HOXD1: variants seen among roughly 807,000 people sequenced by gnomAD.
HOXD1 encodes the protein homeobox D1, also known as homeobox protein Hox-D1.
HOXD1 carries 17 observed loss-of-function variants against 19.9 expected under a neutral mutation model. The ratio of observed to expected loss-of-function variants is 0.85; its 90% CI spans 0.58 to 1.28. HOXD1 has a LOEUF of 1.28. HOXD1 is among the 50% of genes most tolerant of loss of function. The probability of loss-of-function intolerance (pLI) is 0.00; values close to 1 mark genes in which losing one functional copy is unlikely to be tolerated. For missense variants in HOXD1, 500 were observed against 460.1 expected (o/e 1.09, Z -0.79); for synonymous variants, 239 against 216.0 (o/e 1.11, Z -0.93).
chr2:176,188,869 T>G lies in HOXD1; in HGVS notation c.68T>G (p.Leu23Trp). 6.2e-7 allele frequency: 1 copy of G among 1,602,700 alleles called. No homozygotes were observed. Among genetic ancestry groups the G allele is most frequent in the South Asian group, 1.1e-5 (1 of 90,056 alleles). Residue 23 changes from leucine (L) to tryptophan (W), a missense_variant, in exon 1 of 2, where the codon TTG (leucine) becomes TGG (tryptophan). By Grantham distance (61) the Leu-to-Trp change is moderately conservative. Coordinates refer to ENST00000331462, the MANE Select transcript of HOXD1 (RefSeq NM_024501.3). Reference sequence around the variant, plus strand: ...GGGGTCGGCGGCGACGTGCTCAGCTTGGCACCCAAGTTCTGCCGCTCCGAC... The same window carrying G: ...GGGGTCGGCGGCGACGTGCTCAGCTGGGCACCCAAGTTCTGCCGCTCCGAC... ...SGGVGGDVLS[L>W]APKFCRSDAR...
Position 176,189,848 on chromosome 2 carries a change from G to T in HOXD1, c.693G>T (p.Ala231=). The part of the protein sequence containing the change: ...AEYGAASPSS[A]IRTNFSTKQL... ...ATGGGGCCGCTAGCCCCTCCAGCGC[G>T]ATCCGCACGAATTTCAGCACCAAGC... is the stretch of plus-strand genomic sequence containing the variant. Residue 231 remains alanine, a synonymous_variant, in exon 2 of 2, where the codon GCG becomes GCT. Coordinates refer to ENST00000331462, the MANE Select transcript of HOXD1 (RefSeq NM_024501.3). 6.2e-7 allele frequency: 1 copy of T among 1,614,154 alleles called. No individual in the cohort carries two copies. The highest frequency in any genetic ancestry group is 8.5e-7 in the Non-Finnish European group (1 of 1,180,034).
chr2:176,189,535 C>G, intron 1 of HOXD1, 82 bp downstream of exon 1: 1 of 1,607,712 alleles, frequency 6.2e-7, no homozygotes, highest in Non-Finnish European at 8.5e-7. Context: ...AGCGTGGTGT[C>G]GCTGCCTTTC....
Position 176,189,346 on chromosome 2 carries a change from C to G in HOXD1, c.545C>G (p.Ser182Cys), listed in dbSNP as rs923351699. The G allele has an allele frequency of 6.2e-7, 1 of 1,612,938 alleles. No homozygotes were observed. The highest frequency in any genetic ancestry group is 8.5e-7 in the Non-Finnish European group (1 of 1,179,990). Residue 182 changes from serine (S) to cysteine (C), a missense_variant, in exon 1 of 2, where the codon TCC becomes TGC. Transcript: ENST00000331462. ...CACCCTGGTGCTTTCCAGACCGCAT[C>G]CCCGGCCCCAGGCACCTACCCCAAG... ...DGHPGAFQTA[S>C]PAPGTYPKSV... is the part of the protein sequence containing the mutation.
Position 176,190,178 on chromosome 2 carries a change from G to A in HOXD1, c.*36G>A, listed in dbSNP as rs772151952. On this transcript the variant is annotated 3_prime_UTR_variant, in exon 2 of 2. Transcript: ENST00000331462. ...TGGGGCCGAAAAACTGTGGCCTGCA[G>A]AAGTCCCAGGCGACCCCCATCCCTA... The A allele has an allele frequency of 1.4e-6, 2 of 1,430,704 alleles. No individual in the cohort carries two copies. Among genetic ancestry groups the A allele is most frequent in the South Asian group, 2.6e-5 (2 of 76,044 alleles). 88.6% of individuals were successfully genotyped at this position (1,430,704 alleles called of 1,614,324 possible). A position where few individuals can be genotyped will look rare whatever the true frequency, so the allele number is the denominator to read the frequency against.
rs752370277 is a variant in HOXD1, at chr2:176,189,955, A to G, written c.800A>G (p.His267Arg). ...CGCATCGAGATAGCCAACTGCTTGCACCTGAATGACACGCAAGTCAAAATC... is the reference window on the plus strand; with the variant it reads ...CGCATCGAGATAGCCAACTGCTTGCGCCTGAATGACACGCAAGTCAAAATC... ...ARRIEIANCL[H>R]LNDTQVKIWF... The change falls in exon 2 of 2, where the codon CAC (histidine) becomes CGC (arginine). Residue 267 changes from histidine to arginine, a missense_variant. Transcript: ENST00000331462. 1 of 1,614,140 alleles carries G rather than the reference A, an allele frequency of 6.2e-7. No homozygotes were observed. Among genetic ancestry groups the G allele is most frequent in the South Asian group, 1.1e-5 (1 of 91,060 alleles).
rs1691764831 is a variant in HOXD1 at position 176,190,119 on chromosome 2, T to C, written c.964T>C (p.Ser322Pro). 1 of 1,611,232 alleles carries C rather than the reference T, an allele frequency of 6.2e-7. No homozygotes were observed. The highest frequency in any genetic ancestry group is 2.2e-5 in the East Asian group (1 of 44,848). Residue 322 changes from serine to proline, a missense_variant, in exon 2 of 2, where the codon TCT becomes CCT. Physicochemically the swap from Ser to Pro is moderately conservative, Grantham distance 74 (BLOSUM62 -1). Coordinates refer to ENST00000331462, the MANE Select transcript of HOXD1 (RefSeq NM_024501.3). ...TKFIKNPGSP[S>P]QSQEPS The stretch of plus-strand genomic sequence containing the variant: ...GTTTATCAAGAACCCCGGCAGCCCT[T>C]CTCAGTCCCAAGAGCCTTCGTGAGG...
rs967641475 is a variant in HOXD1, at chr2:176,190,715, A to G, written c.*573A>G. 1.3e-5 allele frequency: 2 copies of G among 152,702 alleles called. No homozygotes were observed. The highest frequency in any genetic ancestry group is 4.8e-5 in the African/African-American group (2 of 41,456). 9.5% of individuals were successfully genotyped at this position (152,702 alleles called of 1,614,324 possible). On this transcript the variant is annotated 3_prime_UTR_variant, in exon 2 of 2. Transcript: ENST00000331462. Reference sequence around the variant, plus strand: ...ATGATACAATCGCTGTTTAGTTACTAGATGAACAAATCCACAGAATGGGTA... The same window carrying G: ...ATGATACAATCGCTGTTTAGTTACTGGATGAACAAATCCACAGAATGGGTA...
In HOXD1 at chr2:176,189,033, G is replaced by A; in HGVS notation, c.232G>A (p.Ala78Thr). The A allele has an allele frequency of 7.1e-7, 1 of 1,414,436 alleles. No individual in the cohort carries two copies. The highest frequency in any genetic ancestry group is 9.1e-7 in the Non-Finnish European group (1 of 1,099,184). The allele number at this position is 1,414,436 out of a possible 1,614,324, so 87.6% of individuals were successfully genotyped here. A position where few individuals can be genotyped will look rare whatever the true frequency, so the allele number is the denominator to read the frequency against. ...APARPSVPPP[A>T]APQYAQCTLE... ...CGCGCGGCCGTCCGTACCGCCTCCG[G>A]CCGCGCCCCAGTACGCGCAGTGCAC... Residue 78 changes from alanine to threonine, a missense_variant, in exon 1 of 2, where the codon GCC becomes ACC. Ala to Thr is a moderately conservative substitution (Grantham distance 58, BLOSUM62 0). Transcript: ENST00000331462.
At position 176,190,855 on chromosome 2, in the gene HOXD1, T is replaced by A. The variant is rs1691782356; in HGVS notation, c.*713T>A. On this transcript the variant is annotated 3_prime_UTR_variant, in exon 2 of 2. Coordinates refer to ENST00000331462, the MANE Select transcript of HOXD1 (RefSeq NM_024501.3). ...TTGCAATGACCTTATAAGTGACATT[T>A]AATGTCATAGCATGTAAAGGGTTTT... The A allele has an allele frequency of 6.6e-6, 1 of 152,644 alleles. No homozygotes were observed. The highest frequency in any genetic ancestry group is 1.5e-5 in the Non-Finnish European group (1 of 68,040). The allele number at this position is 152,644 out of a possible 1,614,324, so 9.5% of individuals were successfully genotyped here.
In HOXD1 at chr2:176,188,902, C is replaced by A; in HGVS notation, c.101C>A (p.Pro34His). 1 of 1,591,192 alleles carries A rather than the reference C, an allele frequency of 6.3e-7. No homozygotes were observed. Among genetic ancestry groups the A allele is most frequent in the East Asian group, 2.3e-5 (1 of 43,716 alleles). Residue 34 changes from proline (P) to histidine (H), a missense_variant, in exon 1 of 2, where the codon CCC (proline) becomes CAC (histidine). By Grantham distance (77) the Pro-to-His change is moderately conservative. Coordinates refer to ENST00000331462, the MANE Select transcript of HOXD1 (RefSeq NM_024501.3). ...APKFCRSDAR[P>H]VALQPAFPLG... is the part of the protein sequence containing the mutation. Reference sequence around the variant, plus strand: ...AAGTTCTGCCGCTCCGACGCCCGGCCCGTGGCTCTGCAGCCCGCCTTCCCT... The same window carrying A: ...AAGTTCTGCCGCTCCGACGCCCGGCACGTGGCTCTGCAGCCCGCCTTCCCT...
Position 176,189,186 on chromosome 2 carries a change from G to C in HOXD1, c.385G>C (p.Gly129Arg). Reference protein sequence around the residue: ...GVLGRAADDGGSHVHYATSAV... With the variant: ...GVLGRAADDGRSHVHYATSAV... ...GCTGGGGCGGGCGGCCGACGACGGC[G>C]GGTCTCACGTCCACTACGCCACCTC... The change falls in exon 1 of 2, where the codon GGG becomes CGG. Residue 129 changes from glycine to arginine, a missense_variant. Gly to Arg is a moderately radical substitution (Grantham distance 125). Coordinates refer to ENST00000331462, the MANE Select transcript of HOXD1 (RefSeq NM_024501.3). 6.4e-7 allele frequency: 1 copy of C among 1,571,740 alleles called. No individual in the cohort carries two copies. Among genetic ancestry groups the C allele is most frequent in the East Asian group, 2.3e-5 (1 of 42,794 alleles).
At position 176,189,919 on chromosome 2, in the gene HOXD1, C is replaced by G. The variant is rs1432572545; in HGVS notation, c.764C>G (p.Thr255Ser). 1 of 1,614,060 alleles carries G rather than the reference C, an allele frequency of 6.2e-7. No individual in the cohort carries two copies. The highest frequency in any genetic ancestry group is 1.3e-5 in the African/African-American group (1 of 74,934). Residue 255 changes from threonine (T) to serine (S), a missense_variant, in exon 2 of 2, where the codon ACT becomes AGT. Thr to Ser is a moderately conservative substitution (Grantham distance 58). Coordinates refer to ENST00000331462, the MANE Select transcript of HOXD1 (RefSeq NM_024501.3). Reference sequence around the variant, plus strand: ...GAGTTTCATTTCAATAAGTACTTAACTCGAGCCCGGCGCATCGAGATAGCC... The same window carrying G: ...GAGTTTCATTTCAATAAGTACTTAAGTCGAGCCCGGCGCATCGAGATAGCC... ...EKEFHFNKYL[T>S]RARRIEIANC...
In HOXD1 at chr2:176,188,692, G is replaced by T. The variant is rs778439203; in HGVS notation, c.-110G>T. The T allele has an allele frequency of 8.7e-6, 10 of 1,145,986 alleles. No homozygotes were observed. In the South Asian group the frequency reaches 1.1e-4, roughly 12 times the overall value. 71.0% of individuals were successfully genotyped at this position (1,145,986 alleles called of 1,614,324 possible). A position where few individuals can be genotyped will look rare whatever the true frequency, so the allele number is the denominator to read the frequency against. The stretch of plus-strand genomic sequence containing the variant: ...CGCCATGGGTTGGAGAGGGCAGCTC[G>T]GGTAGAGAGGGCTGGCGGAGCGGCG... On this transcript the variant is annotated 5_prime_UTR_variant, in exon 1 of 2. Coordinates refer to ENST00000331462, the MANE Select transcript of HOXD1 (RefSeq NM_024501.3).
In HOXD1 at chr2:176,188,787, G is replaced by A. The variant is rs760170249; in HGVS notation, c.-15G>A. The A allele has an allele frequency of 1.2e-6, 2 of 1,606,308 alleles. No homozygotes were observed. Among genetic ancestry groups the A allele is most frequent in the East Asian group, 2.2e-5 (1 of 44,490 alleles). On this transcript the variant is annotated 5_prime_UTR_variant, in exon 1 of 2. Coordinates refer to ENST00000331462, the MANE Select transcript of HOXD1 (RefSeq NM_024501.3). Reference sequence around the variant, plus strand: ...CGGCCCCGGCCTGCGCCCTCAGAAAGGTGGGGCCCGAACCATGAGCTCCTA... The same window carrying A: ...CGGCCCCGGCCTGCGCCCTCAGAAAAGTGGGGCCCGAACCATGAGCTCCTA...
chr2:176,190,171 G>T lies in HOXD1; in HGVS notation c.*29G>T. The T allele has an allele frequency of 1.3e-6, 2 of 1,485,354 alleles. No individual in the cohort carries two copies. The allele number at this position is 1,485,354 out of a possible 1,614,324, so 92.0% of individuals were successfully genotyped here. A position where few individuals can be genotyped will look rare whatever the true frequency, so the allele number is the denominator to read the frequency against. ...CGGTACTTGGGGCCGAAAAACTGTG[G>T]CCTGCAGAAGTCCCAGGCGACCCCC... On this transcript the variant is annotated 3_prime_UTR_variant, in exon 2 of 2. Transcript: ENST00000331462.
In HOXD1 at chr2:176,190,494, G is replaced by A; in HGVS notation, c.*352G>A. ...CTGAGTTCTGTCAGCACTCTGATGT[G>A]CTCAGAAGAGCACCTGCCCAAAGTT... On this transcript the variant is annotated 3_prime_UTR_variant, in exon 2 of 2. Transcript: ENST00000331462. The A allele has an allele frequency of 4.0e-6, 1 of 247,056 alleles. No individual in the cohort carries two copies. The highest frequency in any genetic ancestry group is 2.2e-5 in the African/African-American group (1 of 44,724). The allele number at this position is 247,056 out of a possible 1,614,324, so 15.3% of individuals were successfully genotyped here.
In HOXD1 at chr2:176,189,050, G is replaced by T. The variant is rs1691731203; in HGVS notation, c.249G>T (p.Ala83=). The change falls in exon 1 of 2, where the codon GCG becomes GCT. Residue 83 remains alanine, a synonymous_variant. Coordinates refer to ENST00000331462, the MANE Select transcript of HOXD1 (RefSeq NM_024501.3). ...CGCCTCCGGCCGCGCCCCAGTACGC[G>T]CAGTGCACCCTGGAGGGGGCCTACG... ...SVPPPAAPQY[A]QCTLEGAYEP... is the part of the protein sequence containing the mutation. 2.1e-6 allele frequency: 3 copies of T among 1,447,736 alleles called. No homozygotes were observed. Among genetic ancestry groups the T allele is most frequent in the South Asian group, 2.9e-5 (2 of 68,154 alleles). The allele number at this position is 1,447,736 out of a possible 1,614,324, so 89.7% of individuals were successfully genotyped here. A position where few individuals can be genotyped will look rare whatever the true frequency, so the allele number is the denominator to read the frequency against.
Position 176,189,714 on chromosome 2 carries a change from C to G in HOXD1, c.653-94C>G, listed in dbSNP as rs770030543. 8 of 1,611,828 alleles carry G rather than the reference C, an allele frequency of 5.0e-6. No homozygotes were observed. The African/African-American group carries it at 1.1e-4, about 22-fold the overall frequency. ...TTCTGTTCCTAGGGACCCAGGAGGG[C>G]TGCGCTGGGACTTTGATTCTAACTA... On this transcript the variant is annotated intron_variant, in intron 1 of 1. Transcript: ENST00000331462.
Sources: gnomAD v4.1 joint callset for allele counts on GRCh38, gnomAD v4.1.1 for gene constraint, MANE v1.5 for transcripts, NCBI Gene and HGNC (gene_info 2026-07-23, HGNC 2026-07-21) for gene names.